The following PPP1CB variants were observed in gnomAD, a reference collection of about 807,000 sequenced individuals.
PPP1CB encodes the protein serine/threonine-protein phosphatase PP1-beta catalytic subunit.
Under a neutral mutation model 43.7 loss-of-function variants are expected in PPP1CB, and 2 were observed. That is an observed-to-expected ratio of 0.05 (90% CI 0.02 to 0.14). PPP1CB has a LOEUF of 0.14. PPP1CB is among the 10% of genes least tolerant of loss of function. PPP1CB has a pLI of 1.00. For missense variants in PPP1CB, 84 were observed against 398.0 expected, an observed-to-expected ratio of 0.21 and a Z score of 6.71; for synonymous variants, 136 against 135.6, an observed-to-expected ratio of 1.00 and a Z score of -0.02.
chr2:28,778,708 G>T, intron 2 of PPP1CB, 101 bp from the exon 3 acceptor site: 3 of 724,326 alleles, frequency 4.1e-6, no homozygotes, highest in South Asian at 1.8e-5. Context: ...ATACTCAAGG[G>T]TAGGGGAGGA....
chr2:28,773,396 G>C (rs112267028), intron 1 of PPP1CB, among the ~76,000 whole-genome samples: 1 of 152,106 alleles, frequency 6.6e-6, no homozygotes, highest in Non-Finnish European at 1.5e-5. Context: ...ACTCCTATCA[G>C]TCTTATAAAA....
chr2:28,787,413 T>G (rs1429163825), intron 5 of PPP1CB, among the ~76,000 whole-genome samples: 3 of 152,264 alleles, frequency 2.0e-5, no homozygotes, highest in East Asian at 1.9e-4. Flanking sequence ...GAGCAGAGAT[T>G]GCACCACTGC....
chr2:28,773,235 T>C (rs1666952028), intron 1 of PPP1CB, among the ~76,000 whole-genome samples: 1 of 152,174 alleles, frequency 6.6e-6, no homozygotes, highest in African/African-American at 2.4e-5. Context: ...ATGGTAGATA[T>C]TTGCTATCAT....
intron 5 of PPP1CB, among the ~76,000 whole-genome samples, chr2:28,787,465 AT>A (rs1667294911): frequency 6.6e-6 from 1 of 152,152 alleles, no homozygotes; most frequent in South Asian, 2.1e-4. Flanking sequence ...TCTCAAAAAA[AT>A]ATATATGTAT....
intron 3 of PPP1CB, 74 bp downstream of exon 3, chr2:28,779,113 G>A: frequency 8.6e-7 from 1 of 1,167,068 alleles, no homozygotes; most frequent in Non-Finnish European, 1.2e-6. Flanking sequence ...CAGAAGAGTT[G>A]CTTTGATTCA....
rs1667626150 is a variant in PPP1CB, at chr2:28,801,894, T to C, written c.*2591T>C. 6.6e-6 allele frequency: 1 copy of C among 152,212 alleles called. No individual in the cohort carries two copies. The highest frequency in any genetic ancestry group is 1.5e-5 in the Non-Finnish European group (1 of 68,024). 9.4% of individuals were successfully genotyped at this position (152,212 alleles called of 1,614,324 possible). On this transcript the variant is annotated 3_prime_UTR_variant, in exon 8 of 8. Coordinates refer to ENST00000395366, the MANE Select transcript of PPP1CB (RefSeq NM_002709.3). ...TTTGCATTTGAAGCCTTAACATGCA[T>C]TGCTTTAATTTTGCCCAGGGACAAA...
At chr2:28,793,647 T>C (rs1292362468) in intron 6 of PPP1CB, among the ~76,000 whole-genome samples, 1 of 152,230 alleles carries the variant, frequency 6.6e-6, no homozygotes, top group Non-Finnish European at 1.5e-5. Flanking sequence ...GAATTTATTA[T>C]TCCAATTAAG....
intron 7 of PPP1CB, 54 bp downstream of exon 7, chr2:28,794,051 CAGAA>C (rs1667444991): frequency 2.5e-5 from 36 of 1,446,008 alleles, no homozygotes; most frequent in Non-Finnish European, 2.9e-5. Context: ...AAACTATTAT[CAGAA>C]TTCGTTTTAG....
intron 3 of PPP1CB, 37 bp from the exon 4 acceptor site, chr2:28,781,701 T>G: frequency 7.1e-7 from 1 of 1,417,824 alleles, no homozygotes; most frequent in Non-Finnish European, 9.8e-7. Flanking sequence ...AGAACAGTTT[T>G]AGATTTTTTA....
chr2:28,789,272 T>C (rs1349942056), intron 6 of PPP1CB, among the ~76,000 whole-genome samples: 1 of 151,912 alleles, frequency 6.6e-6, no homozygotes, highest in Non-Finnish European at 1.5e-5. Flanking sequence ...TTTGGCAAGC[T>C]GAGATGGGTG....
At chr2:28,774,805 A>G (rs1029152077) in intron 1 of PPP1CB, among the ~76,000 whole-genome samples, 35 of 152,316 alleles carry the variant, frequency 2.3e-4, no homozygotes, top group African/African-American at 8.4e-4. Flanking sequence ...GAAAAACCCA[A>G]ATATGCATCA....
chr2:28,761,471 C>G lies in PPP1CB; in HGVS notation c.52+9295C>G, dbSNP rs1666645649. Among the ~76,000 whole-genome samples the G allele has an allele frequency of 2.0e-5, 3 of 152,278 alleles. No homozygotes were observed. The South Asian group carries it at 6.2e-4, about 32-fold the overall frequency. ...CTTCTGCATATATGATAGTAAGTGC[C>G]TTCAAACAATTCTTGACACATTAAA... On this transcript the variant is annotated intron_variant, in intron 1 of 7. Transcript: ENST00000395366.
chr2:28,756,568 C>T (rs945411835), intron 1 of PPP1CB, among the ~76,000 whole-genome samples: 1 of 152,324 alleles, frequency 6.6e-6, no homozygotes, highest in South Asian at 2.1e-4. Flanking sequence ...ACTGCAGCCT[C>T]GACTTCCTGG....
At chr2:28,784,671 G>T (rs1463480522) in intron 5 of PPP1CB, among the ~76,000 whole-genome samples, 1 of 151,938 alleles carries the variant, frequency 6.6e-6, no homozygotes, top group South Asian at 2.1e-4. Flanking sequence ...TAGTCCCAGC[G>T]CTTTGGGAGG....
intron 7 of PPP1CB, 81 bp downstream of exon 7, chr2:28,794,078 T>G (rs1667445565): frequency 1.7e-6 from 2 of 1,198,568 alleles, no homozygotes; most frequent in South Asian, 1.5e-5. Flanking sequence ...TTGTGAAGTT[T>G]CCTTGAGCAA....
chr2:28,792,971 C>T (rs544398072), intron 6 of PPP1CB, among the ~76,000 whole-genome samples: 19 of 152,136 alleles, frequency 1.2e-4, no homozygotes, highest in African/African-American at 4.1e-4. Context: ...TTTGGGAGGC[C>T]GAGGCGGGCA....
chr2:28,782,049 A>T, intron 4 of PPP1CB: 1 of 605,282 alleles, frequency 1.7e-6, no homozygotes, highest in Non-Finnish European at 2.9e-6. Context: ...ATACAGTTTC[A>T]CATATAAGGA....
intron 1 of PPP1CB, among the ~76,000 whole-genome samples, chr2:28,767,931 A>G (rs1193653971): frequency 1.3e-5 from 2 of 152,212 alleles, no homozygotes; most frequent in East Asian, 3.8e-4. Context: ...GTAGAAAGAT[A>G]ACCTTACTGG....
intron 1 of PPP1CB, among the ~76,000 whole-genome samples, chr2:28,768,051 A>G (rs1194026569): frequency 6.6e-6 from 1 of 152,070 alleles, no homozygotes; most frequent in South Asian, 2.1e-4. Flanking sequence ...TCATTCCTCA[A>G]TTTTTTTAAT....
Sources: allele counts gnomAD v4.1 joint callset (sites outside exome capture counted in the v4.1 genomes callset), GRCh38; gene constraint gnomAD v4.1.1; transcripts MANE v1.5; gene names NCBI Gene and HGNC (gene_info 2026-07-23, HGNC 2026-07-21).